QKI: variants seen among roughly 807,000 people sequenced by gnomAD.
The protein encoded by QKI is QKI, KH domain containing RNA binding.
A neutral mutation model predicts 39.0 loss-of-function variants in QKI; 10 were observed. That is an observed-to-expected ratio of 0.26 (90% confidence interval 0.16 to 0.43). The LOEUF (loss-of-function observed/expected upper bound fraction) is 0.43, where lower values mean the gene tolerates loss of function less well. Ranked by LOEUF, QKI falls within the 20% of genes least tolerant of loss-of-function variation. The pLI is 1.00. For synonymous variants in QKI, 204 were observed against 155.4 expected (o/e 1.31, Z -2.33); for missense variants, 218 against 428.0 (o/e 0.51, Z 4.33).
chr6:163,564,711 C>A (rs768807921), intron 6 of QKI: 9 of 1,614,024 alleles, frequency 5.6e-6, no homozygotes, highest in Non-Finnish European at 7.6e-6. Flanking sequence ...AGCCCATTGA[C>A]TTGCTGGATG....
rs1248901414 is a variant in QKI, at chr6:163,565,440, T to C, written c.935-1281T>C. On this transcript the variant is annotated intron_variant, in intron 6 of 7. Transcript: ENST00000361752. The stretch of plus-strand genomic sequence containing the variant: ...ATTGTACTTGTATATGATTACCTTA[T>C]CTAAAATGAATAAGAGGTGATGGAC... 5.1e-6 allele frequency: 5 copies of C among 986,204 alleles called. No homozygotes were observed. In the African/African-American group the frequency reaches 7.0e-5, roughly 14 times the overall value. The allele number at this position is 986,204 out of a possible 1,614,324, so 61.1% of individuals were successfully genotyped here. A position where few individuals can be genotyped will look rare whatever the true frequency, so the allele number is the denominator to read the frequency against.
chr6:163,534,959 C>G, intron 3 of QKI, 23 bp from the exon 4 acceptor site: 1 of 1,569,184 alleles, frequency 6.4e-7, no homozygotes. Flanking sequence ...TAATTTTAAT[C>G]ATGTACTCTG....
At chr6:163,517,403 G>A (rs1779898266) in intron 3 of QKI, among the ~76,000 whole-genome samples, 1 of 151,908 alleles carries the variant, frequency 6.6e-6, no homozygotes, top group Non-Finnish European at 1.5e-5. Context: ...ATCTAGAGTG[G>A]TTTTTTGTTT....
At chr6:163,432,601 A>T (rs918548363) in intron 1 of QKI, among the ~76,000 whole-genome samples, 1 of 151,972 alleles carries the variant, frequency 6.6e-6, no homozygotes, top group Admixed American at 6.6e-5. Flanking sequence ...GGGTCTCACG[A>T]TATTGCCCAG....
intron 4 of QKI, among the ~76,000 whole-genome samples, chr6:163,552,907 C>T (rs1782333822): frequency 1.3e-5 from 2 of 151,870 alleles, no homozygotes; most frequent in African/African-American, 4.8e-5. Context: ...GCAATCATTA[C>T]AACATCTTTT....
At chr6:163,504,379 T>G (rs950798509) in intron 3 of QKI, among the ~76,000 whole-genome samples, 1 of 152,202 alleles carries the variant, frequency 6.6e-6, no homozygotes, top group Non-Finnish European at 1.5e-5. Context: ...AAATAGTTTT[T>G]TCTAATTCTG....
chr6:163,443,880 C>G (rs1409423839), intron 1 of QKI, among the ~76,000 whole-genome samples: 3 of 152,176 alleles, frequency 2.0e-5, no homozygotes. Context: ...AGACGTAACT[C>G]CTTCAGAATT....
intron 3 of QKI, among the ~76,000 whole-genome samples, chr6:163,512,192 G>A (rs1307934438): frequency 6.6e-6 from 1 of 151,896 alleles, no homozygotes; most frequent in Non-Finnish European, 1.5e-5. Flanking sequence ...AACTTCCTCA[G>A]TTTGATAAAT....
intron 3 of QKI, among the ~76,000 whole-genome samples, chr6:163,481,083 C>T (rs142700963): frequency 1.3e-5 from 2 of 152,036 alleles, no homozygotes; most frequent in South Asian, 4.2e-4. Flanking sequence ...AATGCTTGGC[C>T]ATTTGGTAAA....
chr6:163,459,686 T>G (rs1205495269), intron 2 of QKI, among the ~76,000 whole-genome samples: 1 of 152,180 alleles, frequency 6.6e-6, no homozygotes, highest in Non-Finnish European at 1.5e-5. Context: ...GGAGTAAAGG[T>G]AACAAATGTG....
At chr6:163,437,180 C>T (rs1415560720) in intron 1 of QKI, among the ~76,000 whole-genome samples, 1 of 152,246 alleles carries the variant, frequency 6.6e-6, no homozygotes, top group African/African-American at 2.4e-5. Flanking sequence ...TCCAGGAAAG[C>T]TTTATTTTTA....
chr6:163,469,955 G>C (rs978069043), intron 2 of QKI, among the ~76,000 whole-genome samples: 1 of 152,146 alleles, frequency 6.6e-6, no homozygotes, highest in Non-Finnish European at 1.5e-5. Context: ...AAAAGTGCCA[G>C]TAGACTTGTG....
At chr6:163,516,552 G>A (rs1286235097) in intron 3 of QKI, among the ~76,000 whole-genome samples, 2 of 152,092 alleles carry the variant, frequency 1.3e-5, no homozygotes, top group East Asian at 1.9e-4. Context: ...CTTGGCCTCC[G>A]AAAGTGCTGG....
At chr6:163,539,567 CTAAA>C (rs1428782918) in intron 4 of QKI, among the ~76,000 whole-genome samples, 2 of 152,094 alleles carry the variant, frequency 1.3e-5, no homozygotes, top group Non-Finnish European at 2.9e-5. Context: ...AGGTGCCTTC[CTAAA>C]TAGGCAGCGG....
At chr6:163,488,982 T>C (rs970128025) in intron 3 of QKI, among the ~76,000 whole-genome samples, 1 of 150,666 alleles carries the variant, frequency 6.6e-6, no homozygotes, top group Non-Finnish European at 1.5e-5. Context: ...TCTTTTTTTT[T>C]TTTTTTTTAA....
intron 3 of QKI, among the ~76,000 whole-genome samples, chr6:163,503,702 T>C (rs991160613): frequency 7.9e-5 from 12 of 152,234 alleles, no homozygotes; most frequent in Non-Finnish European, 1.8e-4. Context: ...CAGTTTGAGG[T>C]CTTACATTTT....
intron 1 of QKI, among the ~76,000 whole-genome samples, chr6:163,445,375 C>T (rs2128216380): frequency 6.6e-6 from 1 of 152,232 alleles, no homozygotes; most frequent in South Asian, 2.1e-4. Context: ...TTTTTCTGGT[C>T]CAGGATTCCA....
chr6:163,499,189 G>T (rs960841574), intron 3 of QKI, among the ~76,000 whole-genome samples: 12 of 152,232 alleles, frequency 7.9e-5, no homozygotes, highest in African/African-American at 2.6e-4. Context: ...TGGTTTCAAC[G>T]TGTTTTGCTG....
chr6:163,477,072 G>C (rs1413200220), intron 2 of QKI, among the ~76,000 whole-genome samples: 1 of 149,872 alleles, frequency 6.7e-6, no homozygotes, highest in African/African-American at 2.5e-5. Context: ...CTGTAGTGCA[G>C]AGGCATGATT....
Sources: allele counts gnomAD v4.1 joint callset (sites outside exome capture counted in the v4.1 genomes callset), GRCh38; gene constraint gnomAD v4.1.1; transcripts MANE v1.5; gene names NCBI Gene and HGNC (gene_info 2026-07-23, HGNC 2026-07-21).